PCDH10: variants seen among roughly 807,000 people sequenced by gnomAD.
The protein encoded by PCDH10 is protocadherin 10.
Under a neutral mutation model 74.4 loss-of-function variants are expected in PCDH10, and 15 were observed. That is an observed-to-expected ratio of 0.20 (90% CI 0.13 to 0.31). PCDH10 has a LOEUF of 0.31. Ranked by LOEUF, PCDH10 falls within the 10% of genes least tolerant of loss-of-function variation. The probability of loss-of-function intolerance (pLI) is 1.00; values close to 1 mark genes in which losing one functional copy is unlikely to be tolerated. For synonymous variants in PCDH10, 619 were observed against 589.8 expected (o/e 1.05, Z -0.72); for missense variants, 1,260 against 1,390.2 (o/e 0.91, Z 1.49).
intron 3 of PCDH10, among the ~76,000 whole-genome samples, chr4:133,161,877 T>G (rs1173770280): frequency 2.6e-5 from 4 of 152,148 alleles, no homozygotes; most frequent in African/African-American, 9.7e-5. Context: ...TGTTTTAAAA[T>G]ATCTGATAGA....
intron 2 of PCDH10, among the ~76,000 whole-genome samples, chr4:133,203,163 G>C (rs1451436202): frequency 6.6e-6 from 1 of 152,106 alleles, no homozygotes; most frequent in Non-Finnish European, 1.5e-5. Context: ...AAGATGTATG[G>C]TGTAGGGCCA....
At chr4:133,208,115 C>A (rs1161025573) in exon 3 of PCDH10, 1 of 152,178 alleles carries the variant, frequency 6.6e-6, no homozygotes, top group East Asian at 1.9e-4. Flanking sequence ...ACACATGTGG[C>A]ACAAGATCAA....
At chr4:133,167,891 T>A (rs183160281) in intron 4 of PCDH10, among the ~76,000 whole-genome samples, 1 of 151,500 alleles carries the variant, frequency 6.6e-6, no homozygotes, top group Non-Finnish European at 1.5e-5. Context: ...TCACTTCAAC[T>A]CCATGAATAG....
chr4:133,167,125 A>G (rs1578565883), intron 4 of PCDH10, among the ~76,000 whole-genome samples: 1 of 151,586 alleles, frequency 6.6e-6, no homozygotes, highest in Admixed American at 6.6e-5. Context: ...TGACGCACCC[A>G]TATGATGATT....
intron 1 of PCDH10, chr4:133,153,970 A>G (rs944560759): frequency 7.0e-5 from 15 of 215,654 alleles, no homozygotes; most frequent in African/African-American, 3.3e-4. Flanking sequence ...GAAGGAAAAG[A>G]CAGCAGAATA....
chr4:133,205,027 TGTTAGCAG>T (rs1486267083), intron 2 of PCDH10, among the ~76,000 whole-genome samples: 2 of 152,168 alleles, frequency 1.3e-5, no homozygotes, highest in African/African-American at 4.8e-5. Context: ...CAATTCCCTG[TGTTAGCAG>T]GGAACTGAAA....
At chr4:133,154,758 A>G (rs1196808188) in intron 2 of PCDH10, 159 bp from the exon 3 acceptor site, 1 of 597,108 alleles carries the variant, frequency 1.7e-6, no homozygotes, top group Non-Finnish European at 3.0e-6. Context: ...ATTTTTAAAT[A>G]GTTAAGCTTA....
At chr4:133,201,123 T>C (rs1578582579) in intron 2 of PCDH10, among the ~76,000 whole-genome samples, 1 of 152,292 alleles carries the variant, frequency 6.6e-6, no homozygotes, top group South Asian at 2.1e-4. Context: ...AGAAATCACA[T>C]TGAACAAACT....
In PCDH10 at chr4:133,191,779, A is replaced by G. The variant is rs1275183454; in HGVS notation, c.*1619A>G. On this transcript the variant is annotated 3_prime_UTR_variant, in exon 5 of 5. Coordinates refer to ENST00000264360, the MANE Select transcript of PCDH10 (RefSeq NM_032961.3). ...ATATCAAAATGTTTGCCCAGTTCAA[A>G]TTAGAAACCTGTTTTGAAATACTTT... 6.6e-6 allele frequency: 1 copy of G among 151,656 alleles called. No individual in the cohort carries two copies. The highest frequency in any genetic ancestry group is 2.4e-5 in the African/African-American group (1 of 41,394). 9.4% of individuals were successfully genotyped at this position (151,656 alleles called of 1,614,324 possible).
chr4:133,203,422 G>C (rs895354180), intron 2 of PCDH10, among the ~76,000 whole-genome samples: 1 of 152,112 alleles, frequency 6.6e-6, no homozygotes, highest in Non-Finnish European at 1.5e-5. Flanking sequence ...CCAAGGAAAT[G>C]GTTGCATCAT....
chr4:133,195,447 C>A (rs1022816454), downstream of PCDH10, among the ~76,000 whole-genome samples: 1 of 139,174 alleles, frequency 7.2e-6, no homozygotes, highest in Non-Finnish European at 1.5e-5. Context: ...TTACAAGTTG[C>A]CTTGCTTCCC....
downstream of PCDH10, among the ~76,000 whole-genome samples, chr4:133,198,907 T>C (rs1727847489): frequency 7.1e-6 from 1 of 140,524 alleles, no homozygotes; most frequent in South Asian, 2.3e-4. Flanking sequence ...TATAGAAGTG[T>C]CTATCCCAGT....
chr4:133,205,286 A>G (rs1010512774), intron 2 of PCDH10, among the ~76,000 whole-genome samples: 9 of 152,336 alleles, frequency 5.9e-5, no homozygotes, highest in Non-Finnish European at 1.0e-4. Context: ...CACTTGAAGA[A>G]TTAAGGACTT....
intron 4 of PCDH10, among the ~76,000 whole-genome samples, chr4:133,174,044 G>A (rs189982668): frequency 6.6e-6 from 1 of 152,014 alleles, no homozygotes; most frequent in Non-Finnish European, 1.5e-5. Flanking sequence ...CTAATATTGA[G>A]TCTTCTCTTT....
chr4:133,154,355 C>T lies in PCDH10; in HGVS notation c.2680C>T (p.Arg894Ter), dbSNP rs551508926. 3 of 1,603,224 alleles carry T rather than the reference C, an allele frequency of 1.9e-6. No homozygotes were observed. Among genetic ancestry groups the T allele is most frequent in the East Asian group, 2.2e-5 (1 of 44,604 alleles). The change falls in exon 2 of 5, where the codon CGA becomes TGA. Residue 894 changes from arginine to a stop codon, truncating the protein, a stop_gained. Transcript: ENST00000264360. LOFTEE classifies it high-confidence loss of function. ...CAGCTATCTAGTTGACAGACCTCGCCGAGTTAACAGGTATGGACTCTTTTT... is the reference window on the plus strand; with the variant it reads ...CAGCTATCTAGTTGACAGACCTCGCTGAGTTAACAGGTATGGACTCTTTTT... ...ELSYLVDRPRRVNSSAFQEAD... is the reference protein window; with the variant it reads ...ELSYLVDRPR
In PCDH10 at chr4:133,149,709, TTCTTCC is replaced by T. The variant is rs1335380758; in HGVS notation, c.-429_-424del. 16 of 162,322 alleles carry T rather than the reference TTCTTCC, an allele frequency of 9.9e-5. No homozygotes were observed. The highest frequency in any genetic ancestry group is 9.0e-4 in the East Asian group (5 of 5,582). 10.1% of individuals were successfully genotyped at this position (162,322 alleles called of 1,614,324 possible). On this transcript the variant is annotated 5_prime_UTR_variant, in exon 1 of 5. Coordinates refer to ENST00000264360, the MANE Select transcript of PCDH10 (RefSeq NM_032961.3). Reference sequence around the variant, plus strand: ...TTTCCTTCTCCTCTTCCTCTTCTTCTTCTTCCTCCTCCTCCTCCTCTTTTTCCTCCT... The same window carrying T: ...TTTCCTTCTCCTCTTCCTCTTCTTCTTCCTCCTCCTCCTCTTTTTCCTCCT...
Position 133,191,218 on chromosome 4 carries a change from A to C in PCDH10, c.*1058A>C, listed in dbSNP as rs894931756. 1 of 152,364 alleles carries C rather than the reference A, an allele frequency of 6.6e-6. No individual in the cohort carries two copies. The highest frequency in any genetic ancestry group is 1.5e-5 in the Non-Finnish European group (1 of 67,900). 9.4% of individuals were successfully genotyped at this position (152,364 alleles called of 1,614,324 possible). ...TTTTGTGGTGTAAAATATGTAATTG[A>C]AGATTACTATTTTAAGAAGTCATCA... On this transcript the variant is annotated 3_prime_UTR_variant, in exon 5 of 5. Coordinates refer to ENST00000264360, the MANE Select transcript of PCDH10 (RefSeq NM_032961.3).
At chr4:133,188,317 A>C (rs188452662) in intron 4 of PCDH10, among the ~76,000 whole-genome samples, 27 of 152,282 alleles carry the variant, frequency 1.8e-4, no homozygotes, top group African/African-American at 6.0e-4. Context: ...AGGTTTCACT[A>C]TTCTAATTTA....
downstream of PCDH10, among the ~76,000 whole-genome samples, chr4:133,195,550 T>A (rs2125875783): frequency 6.6e-6 from 1 of 152,212 alleles, no homozygotes; most frequent in Non-Finnish European, 1.5e-5. Flanking sequence ...AAAATTAAAT[T>A]GTATTAGATT....
Sources: gnomAD v4.1 joint callset for allele counts (sites outside exome capture counted in the v4.1 genomes callset) on GRCh38, gnomAD v4.1.1 for gene constraint, MANE v1.5 for transcripts, NCBI Gene and HGNC (gene_info 2026-07-23, HGNC 2026-07-21) for gene names.